Variants in SMG1 observed in about 807,000 individuals in gnomAD.
The protein encoded by SMG1 is serine/threonine-protein kinase SMG1.
A neutral mutation model predicts 419.9 loss-of-function variants in SMG1; 22 were observed. The ratio of observed to expected loss-of-function variants is 0.05; its 90% CI spans 0.04 to 0.07. SMG1 has a LOEUF of 0.07. Among genes scored for constraint, SMG1 ranks in the 10% least tolerant of loss-of-function variants. SMG1 has a pLI of 1.00. For synonymous variants in SMG1, 1,538 were observed against 1,553.5 expected (o/e 0.99, Z 0.23); for missense variants, 3,185 against 4,342.0 (o/e 0.73, Z 7.49).
intron 1 of SMG1, among the ~76,000 whole-genome samples, chr16:18,906,566 T>C (rs1484428124): frequency 6.6e-6 from 1 of 152,128 alleles, no homozygotes; most frequent in Non-Finnish European, 1.5e-5. Flanking sequence ...TACTTCCACC[T>C]TACTGTAACT....
At chr16:18,880,751 T>G in intron 10 of SMG1, among the ~76,000 whole-genome samples, 1 of 148,132 alleles carries the variant, frequency 6.8e-6, no homozygotes. Flanking sequence ...GAAGCATTCT[T>G]GGCCATGCAC....
At chr16:18,848,779 T>TA (rs1481427889) in intron 36 of SMG1, among the ~76,000 whole-genome samples, 2 of 151,666 alleles carry the variant, frequency 1.3e-5, no homozygotes, top group Non-Finnish European at 1.5e-5. Context: ...TTATTACTAT[T>TA]AAAAAACCTA....
chr16:18,874,700 T>C (rs376351341), intron 13 of SMG1, among the ~76,000 whole-genome samples: 1 of 149,484 alleles, frequency 6.7e-6, no homozygotes, highest in East Asian at 2.0e-4. Context: ...ACCAAGTCTC[T>C]ACTAAAAATA....
intron 62 of SMG1, among the ~76,000 whole-genome samples, chr16:18,810,449 G>A (rs1329701127): frequency 6.6e-6 from 1 of 152,218 alleles, no homozygotes; most frequent in Non-Finnish European, 1.5e-5. Flanking sequence ...TATTAAAGCA[G>A]ATCAAGAAGT....
Position 18,829,766 on chromosome 16 carries a change from G to GA in SMG1, c.9134-12dup, listed in dbSNP as rs1567329806. On this transcript the variant is annotated splice_polypyrimidine_tract_variant and intron_variant, in intron 53 of 62. Transcript: ENST00000446231. ...CAAGTGAACTTGATCCTACAAAAAGGAAAAATTTCTTGTATTTCATGAAAA... is the reference window on the plus strand; with the variant it reads ...CAAGTGAACTTGATCCTACAAAAAGGAAAAAATTTCTTGTATTTCATGAAAA... 1 of 1,578,392 alleles carries GA rather than the reference G, an allele frequency of 6.3e-7. No homozygotes were observed. Among genetic ancestry groups the GA allele is most frequent in the South Asian group, 1.1e-5 (1 of 87,136 alleles).
intron 1 of SMG1, among the ~76,000 whole-genome samples, chr16:18,920,511 G>A (rs1180168132): frequency 6.6e-6 from 1 of 151,696 alleles, no homozygotes; most frequent in African/African-American, 2.4e-5. Flanking sequence ...GCAACATGGG[G>A]AGGCCCCATC....
At chr16:18,835,285 A>G in intron 48 of SMG1, 121 bp from the exon 49 acceptor site, 1 of 1,078,922 alleles carries the variant, frequency 9.3e-7, no homozygotes, top group Non-Finnish European at 1.3e-6. Context: ...CATTTTACAG[A>G]TAAAAATGTC....
rs764180116 is a variant in SMG1, at chr16:18,860,743, A to C, written c.3729T>G (p.Val1243=). 3 of 1,546,422 alleles carry C rather than the reference A, an allele frequency of 1.9e-6. No individual in the cohort carries two copies. Among genetic ancestry groups the C allele is most frequent in the African/African-American group, 1.4e-5 (1 of 73,140 alleles). Residue 1243 remains valine (V), a synonymous_variant, in exon 26 of 63, where the codon GTT becomes GTG. Transcript: ENST00000446231. ...ACAATTCTAACTGCTCGGTACATTCAACAAATTTTCCAGACTCAAAGCTGC... is the reference window on the plus strand; with the variant it reads ...ACAATTCTAACTGCTCGGTACATTCCACAAATTTTCCAGACTCAAAGCTGC... ...SLSSFESGKF[V]ECTEQLELLP...
In SMG1 at chr16:18,829,691, G is replaced by C. The variant is rs200260800; in HGVS notation, c.9198C>G (p.Thr3066=). Residue 3066 remains threonine (T), a synonymous_variant, in exon 54 of 63, where the codon ACC becomes ACG. Transcript: ENST00000446231. ...NGPVQIVNVK[T]LFRNSCFSED... is the part of the protein sequence containing the mutation. ...CACTGAAACAAGAGTTTCTAAAAAG[G>C]GTTTTCACATTGACAATCTGTACAG... 3.4e-5 allele frequency: 55 copies of C among 1,613,826 alleles called. No homozygotes were observed. In the East Asian group the frequency reaches 9.1e-4, roughly 27 times the overall value.
chr16:18,836,295 C>G (rs1014290183), intron 47 of SMG1, 65 bp downstream of exon 47: 1 of 1,591,004 alleles, frequency 6.3e-7, no homozygotes, highest in Admixed American at 1.7e-5. Flanking sequence ...CAGGACCCCA[C>G]ACAAACACAC....
chr16:18,810,694 TGAGATAATTG>T (rs2031307143), intron 62 of SMG1, among the ~76,000 whole-genome samples: 1 of 152,170 alleles, frequency 6.6e-6, no homozygotes, highest in Non-Finnish European at 1.5e-5. Context: ...AAGGATATTT[TGAGATAATTG>T]GAGAAATCTG....
chr16:18,835,271 T>C (rs17663706), intron 48 of SMG1, 107 bp from the exon 49 acceptor site: 70,100 of 1,141,654 alleles, frequency 0.061, 2,460 homozygotes, highest in Middle Eastern at 0.077. Context: ...GAAATCATTA[T>C]TTACATTTTA....
At position 18,846,619 on chromosome 16, in the gene SMG1, G is replaced by A. The variant is rs148590104; in HGVS notation, c.5996+834C>T. On this transcript the variant is annotated intron_variant, in intron 38 of 62. Coordinates refer to ENST00000446231, the MANE Select transcript of SMG1 (RefSeq NM_015092.5). ...CAAATGGCCAATAAACACATGAAAGGAAGCTCAACATCACTAGTCATTAGG... is the reference window on the plus strand; with the variant it reads ...CAAATGGCCAATAAACACATGAAAGAAAGCTCAACATCACTAGTCATTAGG... Among the ~76,000 whole-genome samples, 338 of 152,216 alleles carry A rather than the reference G, an allele frequency of 2.2e-3. 1 individual carries two copies. The highest frequency in any genetic ancestry group is 0.01 in the Middle Eastern group (3 of 294).
At chr16:18,907,845 CAAAA>C (rs71141092) in intron 1 of SMG1, among the ~76,000 whole-genome samples, 20 of 54,976 alleles carry the variant, frequency 3.6e-4, no homozygotes, top group African/African-American at 8.6e-4. Flanking sequence ...GAACGAGACT[CAAAA>C]AAAAAAAAAA....
chr16:18,854,082 C>CTTT (rs11448105), intron 30 of SMG1, among the ~76,000 whole-genome samples: 2,626 of 83,818 alleles, frequency 0.031, 167 homozygotes, highest in African/African-American at 0.047. Flanking sequence ...AAATACTAAA[C>CTTT]TTTTTTTTTT....
intron 46 of SMG1, among the ~76,000 whole-genome samples, 183 bp downstream of exon 46, chr16:18,837,070 A>AT (rs1384560249): frequency 6.6e-6 from 1 of 152,252 alleles, no homozygotes; most frequent in East Asian, 1.9e-4. Flanking sequence ...TAAGTTAAAT[A>AT]TAATAAAAGC....
chr16:18,810,689 T>A (rs1299500029), intron 62 of SMG1, among the ~76,000 whole-genome samples: 2 of 152,148 alleles, frequency 1.3e-5, no homozygotes, highest in African/African-American at 4.8e-5. Flanking sequence ...CAATAAAGGA[T>A]ATTTTGAGAT....
chr16:18,837,359 C>T lies in SMG1; in HGVS notation c.7498G>A (p.Glu2500Lys). 1 of 1,613,986 alleles carries T rather than the reference C, an allele frequency of 6.2e-7. No homozygotes were observed. The highest frequency in any genetic ancestry group is 8.5e-7 in the Non-Finnish European group (1 of 1,179,880). ...GSLDEYLSLQ[E>K]QLTDVEKLQG... ...AGTTTTTCCACATCTGTCAGTTGCT[C>T]TTGCAAGCTTAGGTATTCATCTAAG... Residue 2500 changes from glutamate to lysine, a missense_variant, in exon 46 of 63, where the codon GAG becomes AAG. This residue lies in a region of SMG1 where 412 missense variants were observed against 546.6 expected (regional missense o/e 0.75). Transcript: ENST00000446231.
Position 18,869,270 on chromosome 16 carries a change from G to A in SMG1, c.2667C>T (p.Ser889=), listed in dbSNP as rs1220931203. 6.2e-7 allele frequency: 1 copy of A among 1,611,178 alleles called. No homozygotes were observed. The highest frequency in any genetic ancestry group is 2.2e-5 in the East Asian group (1 of 44,886). ...GGTCACGCTTATCCAGTCTCTGGCA[G>A]CTATAGAACAGTCTTTCCAACCAAT... The part of the protein sequence containing the change: ...KDNWLERLFY[S]CQRLDKRDQS... Residue 889 remains serine (S), a synonymous_variant, in exon 20 of 63, where the codon AGC becomes AGT. Coordinates refer to ENST00000446231, the MANE Select transcript of SMG1 (RefSeq NM_015092.5).
Sources: gnomAD v4.1 joint callset for allele counts (sites outside exome capture counted in the v4.1 genomes callset) on GRCh38, gnomAD v4.1.1 for gene constraint, gnomAD v4.1.1 regional missense constraint, MANE v1.5 for transcripts, NCBI Gene and HGNC (gene_info 2026-07-23, HGNC 2026-07-21) for gene names.